Variants in ACVR2A observed in about 807,000 individuals in gnomAD.
ACVR2A encodes activin A receptor type 2A.
A neutral mutation model predicts 61.4 loss-of-function variants in ACVR2A; 7 were observed. The ratio of observed to expected loss-of-function variants is 0.11; its 90% CI spans 0.06 to 0.21. The LOEUF (loss-of-function observed/expected upper bound fraction) is 0.21. Among genes scored for constraint, ACVR2A ranks in the 10% least tolerant of loss-of-function variants. The pLI, the probability that ACVR2A is intolerant of heterozygous loss-of-function variation, is 1.00. For missense variants in ACVR2A, 322 were observed against 621.7 expected, an observed-to-expected ratio of 0.52 and a Z score of 5.13; for synonymous variants, 193 against 208.3, an observed-to-expected ratio of 0.93 and a Z score of 0.63.
rs1172371626 is a variant in ACVR2A at position 147,926,229 on chromosome 2, C to G, written c.1347+68C>G. On this transcript the variant is annotated intron_variant, in intron 10 of 10. Coordinates refer to ENST00000241416, the MANE Select transcript of ACVR2A (RefSeq NM_001616.5). ...CACTTTTCAGAGGAATTATTTATCT[C>G]TGCACATTTCTCTTTCTTCTGCAAG... The G allele has an allele frequency of 2.0e-6, 3 of 1,536,220 alleles. No individual in the cohort carries two copies. In the Admixed American group the frequency reaches 5.7e-5, roughly 29 times the overall value.
chr2:147,900,008 T>A (rs1686833954), intron 4 of ACVR2A, 110 bp downstream of exon 4: 1 of 1,238,538 alleles, frequency 8.1e-7, no homozygotes, highest in South Asian at 1.5e-5. Context: ...TGGAGTTAAT[T>A]TTTGAATGTT....
At chr2:147,913,593 C>T (rs529263377) in intron 4 of ACVR2A, among the ~76,000 whole-genome samples, 129 of 151,646 alleles carry the variant, frequency 8.5e-4, no homozygotes, top group Admixed American at 3.1e-3. Flanking sequence ...GCAGTCTGCT[C>T]TGATCAGTAG....
chr2:147,870,098 G>A (rs1486309893), intron 1 of ACVR2A, among the ~76,000 whole-genome samples: 1 of 147,192 alleles, frequency 6.8e-6, no homozygotes, highest in African/African-American at 2.5e-5. Flanking sequence ...TGTGAGGTAT[G>A]TGGGGGATGT....
At chr2:147,857,121 GAA>G (rs1685598798) in intron 1 of ACVR2A, among the ~76,000 whole-genome samples, 1 of 152,128 alleles carries the variant, frequency 6.6e-6, no homozygotes, top group African/African-American at 2.4e-5. Flanking sequence ...CCTCACTTCT[GAA>G]GGATGGAGTA....
intron 1 of ACVR2A, among the ~76,000 whole-genome samples, chr2:147,848,598 G>A (rs1685375171): frequency 6.6e-6 from 1 of 152,134 alleles, no homozygotes; most frequent in African/African-American, 2.4e-5. Context: ...ATAAGTAGGA[G>A]CAAAATGATG....
intron 5 of ACVR2A, among the ~76,000 whole-genome samples, chr2:147,917,058 A>T (rs1464679605): frequency 6.6e-6 from 1 of 151,986 alleles, no homozygotes; most frequent in African/African-American, 2.4e-5. Context: ...GTAAACTAGA[A>T]ACACAGAAAA....
chr2:147,874,537 C>T (rs1337390771), intron 1 of ACVR2A, among the ~76,000 whole-genome samples: 3 of 151,884 alleles, frequency 2.0e-5, no homozygotes, highest in African/African-American at 4.8e-5. Context: ...TGAGGACCTC[C>T]GGCATTAGAA....
chr2:147,921,034 A>T (rs1044993787), intron 8 of ACVR2A, among the ~76,000 whole-genome samples: 6 of 151,696 alleles, frequency 4.0e-5, no homozygotes, highest in South Asian at 2.1e-4. Context: ...TTTTATTTTT[A>T]TTTATTTATT....
At chr2:147,853,299 A>G (rs1471738330) in intron 1 of ACVR2A, among the ~76,000 whole-genome samples, 1 of 152,148 alleles carries the variant, frequency 6.6e-6, no homozygotes. Flanking sequence ...ATATGTCTTC[A>G]TTGTGAAGTC....
chr2:147,910,860 T>C (rs1461346310), intron 4 of ACVR2A, among the ~76,000 whole-genome samples: 2 of 152,144 alleles, frequency 1.3e-5, no homozygotes, highest in Admixed American at 6.6e-5. Flanking sequence ...TTTGATAATA[T>C]TCTGTCACTA....
chr2:147,846,396 GTGTT>G (rs1385917870), intron 1 of ACVR2A, among the ~76,000 whole-genome samples: 2 of 151,476 alleles, frequency 1.3e-5, no homozygotes, highest in Non-Finnish European at 2.9e-5. Context: ...GTGTGTGTGT[GTGTT>G]TGTGTGTTTG....
At chr2:147,857,057 A>G (rs1355881559) in intron 1 of ACVR2A, among the ~76,000 whole-genome samples, 1 of 152,184 alleles carries the variant, frequency 6.6e-6, no homozygotes, top group African/African-American at 2.4e-5. Context: ...TATTTTCTCC[A>G]GTAACTACCT....
intron 1 of ACVR2A, among the ~76,000 whole-genome samples, chr2:147,868,164 T>C (rs1211615560): frequency 3.3e-5 from 5 of 152,150 alleles, no homozygotes; most frequent in African/African-American, 1.2e-4. Flanking sequence ...CACTGAAATG[T>C]GAAGAGTAAT....
chr2:147,874,729 A>G (rs1299880555), intron 1 of ACVR2A, among the ~76,000 whole-genome samples: 1 of 152,028 alleles, frequency 6.6e-6, no homozygotes, highest in Admixed American at 6.6e-5. Context: ...TTCAAGATGA[A>G]TCTACTACGC....
At chr2:147,920,412 C>A in intron 8 of ACVR2A, 68 bp downstream of exon 8, 2 of 1,212,002 alleles carry the variant, frequency 1.7e-6, no homozygotes, top group South Asian at 1.3e-5. Flanking sequence ...AATGGCATGT[C>A]AGGACTGAAT....
chr2:147,846,857 TGAG>T (rs776880565), intron 1 of ACVR2A, among the ~76,000 whole-genome samples: 1 of 152,172 alleles, frequency 6.6e-6, no homozygotes, highest in Non-Finnish European at 1.5e-5. Flanking sequence ...CTCTTGCCCT[TGAG>T]GAGGAGGGGC....
chr2:147,875,204 G>A (rs1686122730), intron 1 of ACVR2A, among the ~76,000 whole-genome samples: 1 of 151,822 alleles, frequency 6.6e-6, no homozygotes, highest in Admixed American at 6.6e-5. Context: ...AAGGTAGATT[G>A]TTCTGTTTAA....
In ACVR2A at chr2:147,869,799, C is replaced by G. The variant is rs1685964694; in HGVS notation, c.55+24592C>G. The stretch of plus-strand genomic sequence containing the variant: ...TGAAGGAAATGGGACTTCAGTGAAC[C>G]TTGAAAGATGAGTTAAAATCTATAT... On this transcript the variant is annotated intron_variant, in intron 1 of 10. Coordinates refer to ENST00000241416, the MANE Select transcript of ACVR2A (RefSeq NM_001616.5). Among the ~76,000 whole-genome samples, 3 of 151,864 alleles carry G rather than the reference C, an allele frequency of 2.0e-5. No homozygotes were observed. In the South Asian group the frequency reaches 6.2e-4, roughly 32 times the overall value.
chr2:147,877,759 A>C (rs188094396), intron 1 of ACVR2A, among the ~76,000 whole-genome samples: 39 of 152,330 alleles, frequency 2.6e-4, no homozygotes, highest in African/African-American at 9.1e-4. Flanking sequence ...ATATTAGTGA[A>C]ATTGATAAAA....
Sources: gnomAD v4.1 joint callset for allele counts (sites outside exome capture counted in the v4.1 genomes callset) on GRCh38, gnomAD v4.1.1 for gene constraint, MANE v1.5 for transcripts, NCBI Gene and HGNC (gene_info 2026-07-23, HGNC 2026-07-21) for gene names.